The following FRK variants were observed in gnomAD, a reference collection of about 807,000 sequenced individuals.
FRK encodes the protein fyn related Src family tyrosine kinase, also known as tyrosine-protein kinase FRK.
Under a neutral mutation model 56.4 loss-of-function variants are expected in FRK, and 51 were observed. That is an observed-to-expected ratio of 0.90 (90% CI 0.72 to 1.14). The LOEUF is 1.14. FRK is among the 50% of genes most tolerant of loss of function. FRK has a pLI of 0.00. For synonymous variants in FRK, 245 were observed against 217.9 expected (o/e 1.12, Z -1.10); for missense variants, 570 against 601.4 (o/e 0.95, Z 0.55).
intron 2 of FRK, among the ~76,000 whole-genome samples, chr6:115,999,265 A>G (rs1446275219): frequency 6.6e-6 from 1 of 152,254 alleles, no homozygotes; most frequent in African/African-American, 2.4e-5. Context: ...CACTAAAACT[A>G]TCTGTCATGC....
At chr6:116,093,226 A>T in the FRK span, among the ~76,000 whole-genome samples, 9,354 of 152,196 alleles carry the variant, frequency 0.061, 433 homozygotes, top group Admixed American at 0.14. Flanking sequence ...GCCCAGAAGG[A>T]AATAAGCAAA....
chr6:116,098,697 T>G, the FRK span, among the ~76,000 whole-genome samples: 1 of 152,212 alleles, frequency 6.6e-6, no homozygotes, highest in Non-Finnish European at 1.5e-5. Context: ...TAGTTGATAA[T>G]ACAAGAGCTG....
the FRK span, among the ~76,000 whole-genome samples, chr6:116,080,398 C>CCCA: frequency 2.0e-5 from 3 of 152,142 alleles, no homozygotes; most frequent in Non-Finnish European, 4.4e-5. Context: ...TCATGATCCA[C>CCCA]CCACCTCAGA....
the FRK span, among the ~76,000 whole-genome samples, chr6:116,091,403 A>C: frequency 6.6e-6 from 1 of 152,144 alleles, no homozygotes; most frequent in Non-Finnish European, 1.5e-5. Flanking sequence ...CATGCTGTGG[A>C]AGCTTTGTTC....
rs1233074731 is a variant in FRK at position 115,939,055 on chromosome 6, T to G, written c.*3359A>C. 1 of 149,946 alleles carries G rather than the reference T, an allele frequency of 6.7e-6. No homozygotes were observed. The highest frequency in any genetic ancestry group is 2.0e-4 in the East Asian group (1 of 5,118). 9.3% of individuals were successfully genotyped at this position (149,946 alleles called of 1,614,324 possible). On this transcript the variant is annotated 3_prime_UTR_variant, in exon 8 of 8. Transcript: ENST00000606080. Reference sequence around the variant, plus strand: ...AAAAAGAGAGAAAATTTCAGGCCAGTATCCCTGACGAACATCCATGCAAAA... The same window carrying G: ...AAAAAGAGAGAAAATTTCAGGCCAGGATCCCTGACGAACATCCATGCAAAA...
intron 1 of FRK, among the ~76,000 whole-genome samples, chr6:116,014,924 A>C (rs1237800399): frequency 1.3e-5 from 2 of 152,164 alleles, no homozygotes; most frequent in Admixed American, 6.5e-5. Flanking sequence ...TAATGAGTAC[A>C]TGCATTTTTT....
chr6:115,942,468 T>C lies in FRK; in HGVS notation c.1464A>G (p.Glu488=), dbSNP rs372823762. The C allele has an allele frequency of 4.1e-5, 66 of 1,613,680 alleles. No individual in the cohort carries two copies. Among genetic ancestry groups the C allele is most frequent in the Non-Finnish European group, 5.5e-5 (65 of 1,179,760 alleles). Residue 488 remains glutamate (E), a synonymous_variant, in exon 8 of 8, where the codon GAA becomes GAG. Transcript: ENST00000606080. ...PTFETLRWKL[E]DYFETDSSYS... is the part of the protein sequence containing the mutation. The stretch of plus-strand genomic sequence containing the variant: ...ATGAAGAGTCTGTTTCAAAATAGTC[T>C]TCAAGTTTCCAACGCAGTGTCTCAA...
intron 1 of FRK, among the ~76,000 whole-genome samples, chr6:116,030,219 TAGTC>T (rs1486428248): frequency 6.6e-6 from 1 of 152,072 alleles, no homozygotes; most frequent in Admixed American, 6.6e-5. Flanking sequence ...TTTTGATCCT[TAGTC>T]AGGGACAGAG....
chr6:115,947,539 C>T (rs1455134587), intron 5 of FRK, among the ~76,000 whole-genome samples: 3 of 152,166 alleles, frequency 2.0e-5, no homozygotes, highest in East Asian at 1.9e-4. Flanking sequence ...TGTGCAAAAA[C>T]GATGAACATC....
chr6:116,073,918 T>C, the FRK span, among the ~76,000 whole-genome samples: 2 of 152,192 alleles, frequency 1.3e-5, no homozygotes, highest in African/African-American at 4.8e-5. Context: ...TCCTGGCTGC[T>C]GCCAGGGTGA....
chr6:115,999,749 A>T (rs1221220865), intron 2 of FRK, among the ~76,000 whole-genome samples: 3 of 152,252 alleles, frequency 2.0e-5, no homozygotes, highest in Non-Finnish European at 4.4e-5. Context: ...CCTTAGCAGT[A>T]ATCAACAGTC....
At chr6:116,072,564 C>CACACACACACACAA in the FRK span, among the ~76,000 whole-genome samples, 104 of 149,700 alleles carry the variant, frequency 6.9e-4, no homozygotes, top group African/African-American at 2.4e-3. Context: ...CACACACACA[C>CACACACACACACAA]AAGATACCTT....
At chr6:116,039,685 C>T (rs1776637501) in intron 1 of FRK, among the ~76,000 whole-genome samples, 1 of 152,162 alleles carries the variant, frequency 6.6e-6, no homozygotes, top group Non-Finnish European at 1.5e-5. Context: ...CCACTCCCTT[C>T]TCCACTTAGT....
intron 2 of FRK, among the ~76,000 whole-genome samples, chr6:115,981,580 C>A (rs1180916555): frequency 1.3e-5 from 2 of 152,044 alleles, no homozygotes; most frequent in Non-Finnish European, 2.9e-5. Context: ...TCTCAAAAAG[C>A]CTTCCCCATA....
At chr6:115,973,551 T>A (rs954601012) in intron 2 of FRK, among the ~76,000 whole-genome samples, 4 of 152,040 alleles carry the variant, frequency 2.6e-5, no homozygotes, top group Non-Finnish European at 5.9e-5. Context: ...GAACTTAAAG[T>A]ATAATGTTTA....
chr6:116,087,622 G>A, the FRK span, among the ~76,000 whole-genome samples: 2 of 152,212 alleles, frequency 1.3e-5, no homozygotes, highest in Non-Finnish European at 2.9e-5. Flanking sequence ...GCCCACAGAT[G>A]GAACAGAAAG....
At chr6:116,028,404 G>A (rs1776178350) in intron 1 of FRK, among the ~76,000 whole-genome samples, 1 of 152,086 alleles carries the variant, frequency 6.6e-6, no homozygotes, top group African/African-American at 2.4e-5. Flanking sequence ...CATTCAGTGT[G>A]TTAGTCAGCT....
chr6:115,984,332 T>C (rs1370693320), intron 2 of FRK, among the ~76,000 whole-genome samples: 2 of 152,104 alleles, frequency 1.3e-5, no homozygotes. Flanking sequence ...CTAACACTTA[T>C]TGAGCTCTTA....
chr6:116,002,662 T>C (rs112317542), intron 2 of FRK: 24 of 454,100 alleles, frequency 5.3e-5, no homozygotes, highest in African/African-American at 4.0e-4. Context: ...CAAGAGTAAC[T>C]GTCAGAACTA....
Sources: allele counts gnomAD v4.1 joint callset (sites outside exome capture counted in the v4.1 genomes callset), GRCh38; gene constraint gnomAD v4.1.1; transcripts MANE v1.5; gene names NCBI Gene and HGNC (gene_info 2026-07-23, HGNC 2026-07-21).